SARDH: variants seen among roughly 807,000 people sequenced by gnomAD.
The protein encoded by SARDH is sarcosine dehydrogenase, mitochondrial.
In SARDH, 95 loss-of-function variants were observed where a neutral mutation model predicts 109.1. The observed-to-expected ratio is 0.87, with a 90% CI of 0.74 to 1.03. The LOEUF is 1.03. SARDH is among the 50% of genes least tolerant of loss of function. The probability of loss-of-function intolerance (pLI) is 0.00; values close to 1 mark genes in which losing one functional copy is unlikely to be tolerated. For synonymous variants in SARDH, 572 were observed against 534.8 expected (o/e 1.07, Z -0.96); for missense variants, 1,267 against 1,287.8 (o/e 0.98, Z 0.25).
chr9:133,691,068 G>A (rs956949670), intron 15 of SARDH, among the ~76,000 whole-genome samples: 10 of 152,094 alleles, frequency 6.6e-5, no homozygotes, highest in Non-Finnish European at 8.8e-5. Flanking sequence ...AAGGCAAAGA[G>A]ACAAGCCAGT....
downstream of SARDH, among the ~76,000 whole-genome samples, chr9:133,662,527 A>G (rs1300081415): frequency 6.6e-6 from 1 of 152,158 alleles, no homozygotes; most frequent in Non-Finnish European, 1.5e-5. This position sits in a 1 kb window ranked among gnomAD's most constrained non-coding sequence, Gnocchi z 5.1. Flanking sequence ...GAAAGCCAAC[A>G]GCCCCCACCC....
intron 1 of SARDH, 127 bp from the exon 2 acceptor site, chr9:133,734,330 C>G: frequency 2.0e-6 from 1 of 492,094 alleles, no homozygotes; most frequent in Non-Finnish European, 3.4e-6. Flanking sequence ...TTCCCCATGG[C>G]ATTCATTCAT....
rs149968725 is a variant in SARDH, at chr9:133,673,255, A to T, written c.2164-1558T>A. 8.4e-3 allele frequency among the ~76,000 whole-genome samples: 1,281 copies of T among 152,370 alleles called. 16 individuals carry two copies. Among genetic ancestry groups the T allele is most frequent in the African/African-American group, 0.028 (1,182 of 41,592 alleles). On this transcript the variant is annotated intron_variant, in intron 17 of 20. Transcript: ENST00000439388. ...CTTGGTTCAGGTGCGTGGCACGTCC[A>T]CACCCAGTAACTGGAGTCTGCGTCC...
At chr9:133,659,745 A>G (rs557789904), downstream of SARDH, among the ~76,000 whole-genome samples, 154 of 152,268 alleles carry the variant, frequency 1.0e-3, no homozygotes, top group African/African-American at 1.8e-3. Flanking sequence ...CTTGTGGTCC[A>G]TAAGTCACGG....
At chr9:133,730,018 G>A (rs1832620313) in intron 5 of SARDH, 46 bp downstream of exon 5, 3 of 1,610,460 alleles carry the variant, frequency 1.9e-6, no homozygotes, top group Non-Finnish European at 2.5e-6. Context: ...GGTTTAGGGA[G>A]CAGCCAGCAT....
intron 13 of SARDH, among the ~76,000 whole-genome samples, chr9:133,702,204 C>A (rs1831513178): frequency 6.6e-6 from 1 of 152,252 alleles, no homozygotes; most frequent in Non-Finnish European, 1.5e-5. Flanking sequence ...CAGGCCAGGG[C>A]AGACGCTGGC....
intron 8 of SARDH, among the ~76,000 whole-genome samples, chr9:133,713,693 A>G (rs1157414588): frequency 6.6e-6 from 1 of 152,248 alleles, no homozygotes; most frequent in Non-Finnish European, 1.5e-5. Context: ...GACAGAGGCC[A>G]GGACACGGTG....
intron 20 of SARDH, among the ~76,000 whole-genome samples, chr9:133,665,973 C>T (rs1466603952): frequency 6.6e-6 from 1 of 152,220 alleles, no homozygotes; most frequent in Non-Finnish European, 1.5e-5. Context: ...CCTCTACTTG[C>T]AGTGCCAGAA....
intron 14 of SARDH, 54 bp downstream of exon 14, chr9:133,696,169 G>A: frequency 1.2e-6 from 2 of 1,604,998 alleles, no homozygotes; most frequent in African/African-American, 2.7e-5. Flanking sequence ...CTCAGTGCCT[G>A]AGGCTGTGCC....
rs1564288532 is a variant in SARDH, at chr9:133,719,161, CGTT to C, written c.916-122_916-120del. ...GTCACGGGCTCGAGATGGTCCTTCT[CGTT>C]GTAGGACCCCGAGGACAGAGTGGAC... On this transcript the variant is annotated intron_variant, in intron 6 of 20. Coordinates refer to ENST00000439388, the MANE Select transcript of SARDH (RefSeq NM_001134707.2). 7.9e-6 allele frequency: 6 copies of C among 763,118 alleles called. No individual in the cohort carries two copies. The African/African-American group carries it at 8.5e-5, about 11-fold the overall frequency. The allele number at this position is 763,118 out of a possible 1,614,324, so 47.3% of individuals were successfully genotyped here.
chr9:133,701,681 C>T (rs1168125857), intron 13 of SARDH, among the ~76,000 whole-genome samples: 3 of 152,204 alleles, frequency 2.0e-5, no homozygotes, highest in South Asian at 2.1e-4. Context: ...TGGGAGGCAG[C>T]GACAAGGGAC....
chr9:133,663,807 G>A lies in SARDH; in HGVS notation c.*82C>T. On this transcript the variant is annotated 3_prime_UTR_variant, in exon 21 of 21. Coordinates refer to ENST00000439388, the MANE Select transcript of SARDH (RefSeq NM_001134707.2). Reference sequence around the variant, plus strand: ...CAGGGAGGGCACAAGTTCTGGCTGGGTCCAGGGTCCTGGGACCCAGGGCCA... The same window carrying A: ...CAGGGAGGGCACAAGTTCTGGCTGGATCCAGGGTCCTGGGACCCAGGGCCA... The A allele has an allele frequency of 1.3e-6, 2 of 1,577,834 alleles. No individual in the cohort carries two copies. The highest frequency in any genetic ancestry group is 1.2e-5 in the South Asian group (1 of 85,608).
intron 6 of SARDH, among the ~76,000 whole-genome samples, chr9:133,719,528 C>A (rs1832248028): frequency 6.6e-6 from 1 of 152,100 alleles, no homozygotes; most frequent in East Asian, 1.9e-4. Flanking sequence ...CACCCCAGGT[C>A]CCTCTTCAGG....
intron 19 of SARDH, 123 bp downstream of exon 19, chr9:133,670,461 G>A (rs955281113): frequency 9.1e-7 from 1 of 1,100,704 alleles, no homozygotes. Context: ...CGTTCTGGAA[G>A]AGCATGGCTG....
chr9:133,737,513 C>T (rs1381667494), intron 1 of SARDH, among the ~76,000 whole-genome samples: 3 of 152,224 alleles, frequency 2.0e-5, no homozygotes, highest in African/African-American at 7.2e-5. Context: ...GCTTGAGTGG[C>T]ACCGAGGAAG....
At chr9:133,700,677 T>G (rs1273334294) in intron 13 of SARDH, among the ~76,000 whole-genome samples, 1 of 152,108 alleles carries the variant, frequency 6.6e-6, no homozygotes, top group Non-Finnish European at 1.5e-5. Flanking sequence ...ATAAATCATA[T>G]AGTATGCGAA....
At chr9:133,727,796 T>C (rs753018096) in intron 6 of SARDH, among the ~76,000 whole-genome samples, 1 of 152,136 alleles carries the variant, frequency 6.6e-6, no homozygotes, top group Non-Finnish European at 1.5e-5. Flanking sequence ...AATCTTGACA[T>C]ACACAGGAGG....
chr9:133,725,739 G>A (rs1197555264), intron 6 of SARDH: 1 of 228,778 alleles, frequency 4.4e-6, no homozygotes, highest in Non-Finnish European at 9.0e-6. Context: ...ATATTGCAGA[G>A]AGGAACCACT....
chr9:133,685,678 C>T (rs988338140), intron 16 of SARDH, among the ~76,000 whole-genome samples: 2 of 152,230 alleles, frequency 1.3e-5, no homozygotes, highest in Admixed American at 6.5e-5. Context: ...CAGGCCTCTC[C>T]AGGTTTCCAA....
Sources: gnomAD v4.1 joint callset for allele counts (sites outside exome capture counted in the v4.1 genomes callset) on GRCh38, gnomAD v4.1.1 for gene constraint, Gnocchi (gnomAD v3.1) non-coding constraint, MANE v1.5 for transcripts, NCBI Gene and HGNC (gene_info 2026-07-23, HGNC 2026-07-21) for gene names.